Variants in WRN observed in about 807,000 individuals in gnomAD.
The protein encoded by WRN is WRN RecQ like helicase.
In WRN, 149 loss-of-function variants were observed where a neutral mutation model predicts 180.7. That is an observed-to-expected ratio of 0.82 (90% CI 0.72 to 0.94). The LOEUF (loss-of-function observed/expected upper bound fraction) is 0.94. Ranked by LOEUF, WRN falls within the 40% of genes least tolerant of loss-of-function variation. WRN has a pLI of 0.00. For synonymous variants in WRN, 548 were observed against 568.9 expected (o/e 0.96, Z 0.52); for missense variants, 1,661 against 1,700.1 (o/e 0.98, Z 0.40).
At chr8:31,130,336 A>G (rs1187621447) in intron 23 of WRN, among the ~76,000 whole-genome samples, 1 of 152,196 alleles carries the variant, frequency 6.6e-6, no homozygotes, top group African/African-American at 2.4e-5. Flanking sequence ...AAACATTATT[A>G]TATCTGGAAT....
intron 17 of WRN, among the ~76,000 whole-genome samples, chr8:31,098,844 T>G (rs912499806): frequency 1.3e-5 from 2 of 152,188 alleles, no homozygotes; most frequent in African/African-American, 4.8e-5. Flanking sequence ...TTAGCTCCAT[T>G]AAAAGCTAGT....
chr8:31,152,102 G>A lies in WRN; in HGVS notation c.3687+1647G>A, dbSNP rs1650380637. On this transcript the variant is annotated intron_variant, in intron 31 of 34. Coordinates refer to ENST00000298139, the MANE Select transcript of WRN (RefSeq NM_000553.6). Reference sequence around the variant, plus strand: ...TAATCCATAAATGTACAATTAAAGAGTTTAAGGATATCCAAAATACTTGGC... The same window carrying A: ...TAATCCATAAATGTACAATTAAAGAATTTAAGGATATCCAAAATACTTGGC... Among the ~76,000 whole-genome samples, 2 of 152,032 alleles carry A rather than the reference G, an allele frequency of 1.3e-5. 1 individual carries two copies. Among genetic ancestry groups the A allele is most frequent in the South Asian group, 4.1e-4 (2 of 4,824 alleles).
In WRN at chr8:31,162,180, A is replaced by G. The variant is rs78024641; in HGVS notation, c.3982+4650A>G. On this transcript the variant is annotated intron_variant, in intron 33 of 34. Transcript: ENST00000298139. ...AATTAAAATCTTTTTACTCTTTTGT[A>G]ATAACACTTGGCTTAAAACACAAAC... 4.5e-3 allele frequency among the ~76,000 whole-genome samples: 678 copies of G among 152,348 alleles called. 6 individuals are homozygous for G. Among genetic ancestry groups the G allele is most frequent in the African/African-American group, 0.016 (645 of 41,580 alleles).
In WRN at chr8:31,132,463, A is replaced by C. The variant is rs767486739; in HGVS notation, c.2924A>C (p.Glu975Ala). The C allele has an allele frequency of 3.1e-6, 5 of 1,614,064 alleles. No individual in the cohort carries two copies. The highest frequency in any genetic ancestry group is 2.7e-5 in the African/African-American group (2 of 74,938). ...TTGTCTGCTGTGGACATCTTAGGCG[A>C]AAAATTTGGAATTGGGCTTCCAATT... ...KLLSAVDILG[E>A]KFGIGLPILF... Residue 975 changes from glutamate to alanine, a missense_variant, in exon 24 of 35, where the codon GAA becomes GCA. Glu to Ala is a moderately radical substitution (Grantham distance 107, BLOSUM62 -1). Transcript: ENST00000298139.
intron 7 of WRN, 72 bp downstream of exon 7, chr8:31,068,399 C>G: frequency 1.6e-6 from 2 of 1,262,666 alleles, no homozygotes; most frequent in Non-Finnish European, 2.3e-6. Context: ...AGGCAATATT[C>G]ACATATTTGC....
rs770866944 is a variant in WRN, at chr8:31,058,549, T to A, written c.96+6T>A. The A allele has an allele frequency of 1.9e-6, 3 of 1,613,052 alleles. No individual in the cohort carries two copies. Among genetic ancestry groups the A allele is most frequent in the Non-Finnish European group, 2.5e-6 (3 of 1,179,284 alleles). ...GTGCTGTAGAAGAAAGAAAGGTATGTTGTTCATTGACTATTCTTTTGGGTG... is the reference window on the plus strand; with the variant it reads ...GTGCTGTAGAAGAAAGAAAGGTATGATGTTCATTGACTATTCTTTTGGGTG... On this transcript the variant is annotated splice_donor_region_variant and intron_variant, in intron 2 of 34. Coordinates refer to ENST00000298139, the MANE Select transcript of WRN (RefSeq NM_000553.6).
chr8:31,099,371 T>C (rs1016464128), intron 17 of WRN, among the ~76,000 whole-genome samples: 2 of 144,910 alleles, frequency 1.4e-5, no homozygotes, highest in Admixed American at 6.8e-5. Flanking sequence ...GCCACTGCAC[T>C]TTAGCCTAAG....
intron 20 of WRN, 43 bp from the exon 21 acceptor site, chr8:31,120,200 C>G: frequency 6.2e-7 from 1 of 1,609,172 alleles, no homozygotes; most frequent in Non-Finnish European, 8.5e-7. Context: ...GGTTTTCATT[C>G]TGCTAAATAT....
In WRN at chr8:31,081,216, A is replaced by G. The variant is rs767571801; in HGVS notation, c.1189A>G (p.Ile397Val). 4 of 1,613,480 alleles carry G rather than the reference A, an allele frequency of 2.5e-6. No individual in the cohort carries two copies. In the South Asian group the frequency reaches 3.3e-5, roughly 13 times the overall value. ...MERACLMSLD[I>V]TEHELQILEQ... ...AAGAGCTTGTTTGATGTCGTTAGAT[A>G]TTACAGAACATGAACTCCAAATTTT... is the stretch of plus-strand genomic sequence containing the variant. Residue 397 changes from isoleucine (I) to valine (V), a missense_variant, in exon 9 of 35, where the codon ATT becomes GTT. By Grantham distance (29) the Ile-to-Val change is conservative. This residue lies in a region of WRN where 500 missense variants were observed against 504.1 expected (regional missense o/e 0.99). Transcript: ENST00000298139.
chr8:31,082,023 A>G (rs1166699158), intron 9 of WRN, among the ~76,000 whole-genome samples: 1 of 152,150 alleles, frequency 6.6e-6, no homozygotes. Flanking sequence ...GGCCTCCCAA[A>G]GTGTTGGAAT....
chr8:31,139,650 C>A (rs1383893137), intron 24 of WRN, among the ~76,000 whole-genome samples: 2 of 152,178 alleles, frequency 1.3e-5, no homozygotes, highest in Admixed American at 1.3e-4. Flanking sequence ...TTTGTAACCA[C>A]AAAATGGATG....
intron 20 of WRN, among the ~76,000 whole-genome samples, chr8:31,119,690 C>G (rs915693443): frequency 6.6e-6 from 1 of 151,356 alleles, no homozygotes; most frequent in African/African-American, 2.4e-5. Context: ...ATTGTTATTA[C>G]CTAAAAAAAA....
intron 23 of WRN, among the ~76,000 whole-genome samples, chr8:31,130,372 CAA>C (rs1802111173): frequency 1.3e-5 from 2 of 152,050 alleles, no homozygotes; most frequent in Non-Finnish European, 2.9e-5. Context: ...ATTGCTATTT[CAA>C]AGATACTTAC....
chr8:31,047,515 C>A (rs1811915914), intron 1 of WRN, among the ~76,000 whole-genome samples: 1 of 152,096 alleles, frequency 6.6e-6, no homozygotes. Flanking sequence ...GAGTGGGACA[C>A]CTTCCTTAAA....
At chr8:31,161,332 G>A (rs1282737398) in intron 33 of WRN, among the ~76,000 whole-genome samples, 1 of 152,060 alleles carries the variant, frequency 6.6e-6, no homozygotes, top group Non-Finnish European at 1.5e-5. Context: ...GTTGTTGGGC[G>A]ATTTCATTTT....
intron 1 of WRN, among the ~76,000 whole-genome samples, chr8:31,034,228 G>T (rs1210952818): frequency 6.6e-6 from 1 of 152,110 alleles, no homozygotes; most frequent in African/African-American, 2.4e-5. Flanking sequence ...TTTACCTTGC[G>T]CGCTTAGTTA....
intron 17 of WRN, among the ~76,000 whole-genome samples, chr8:31,097,088 C>T (rs1359696911): frequency 6.6e-6 from 1 of 152,064 alleles, no homozygotes; most frequent in African/African-American, 2.4e-5. Flanking sequence ...TATCTGTTTT[C>T]TTCTGCTAGG....
chr8:31,108,420 A>C (rs1202290591), intron 18 of WRN, among the ~76,000 whole-genome samples: 2 of 152,144 alleles, frequency 1.3e-5, no homozygotes, highest in Admixed American at 6.5e-5. Context: ...ATAAGAGAAA[A>C]GGTTCTATTC....
At chr8:31,045,667 G>T (rs551437597) in intron 1 of WRN, among the ~76,000 whole-genome samples, 2 of 152,256 alleles carry the variant, frequency 1.3e-5, no homozygotes, top group African/African-American at 4.8e-5. Context: ...CTCCGAAAGT[G>T]CTGGGATTAC....
Sources: gnomAD v4.1 joint callset for allele counts (sites outside exome capture counted in the v4.1 genomes callset) on GRCh38, gnomAD v4.1.1 for gene constraint, gnomAD v4.1.1 regional missense constraint, MANE v1.5 for transcripts, NCBI Gene and HGNC (gene_info 2026-07-23, HGNC 2026-07-21) for gene names.